KCND2: variants seen among roughly 807,000 people sequenced by gnomAD.
The protein encoded by KCND2 is potassium voltage-gated channel subfamily D member 2, also known as A-type voltage-gated potassium channel KCND2.
A neutral mutation model predicts 54.4 loss-of-function variants in KCND2; 16 were observed. The ratio of observed to expected loss-of-function variants is 0.29; its 90% CI spans 0.20 to 0.45. KCND2 has a LOEUF of 0.45. Ranked by LOEUF, KCND2 falls within the 20% of genes least tolerant of loss-of-function variation. KCND2 has a pLI of 1.00. For synonymous variants in KCND2, 317 were observed against 310.7 expected, an observed-to-expected ratio of 1.02 and a Z score of -0.21; for missense variants, 486 against 824.2, an observed-to-expected ratio of 0.59 and a Z score of 5.02.
intron 1 of KCND2, among the ~76,000 whole-genome samples, chr7:120,613,823 TAA>T (rs1185233918): frequency 6.6e-6 from 1 of 152,176 alleles, no homozygotes; most frequent in Non-Finnish European, 1.5e-5. Context: ...GCAAATATAC[TAA>T]CCAAAGTTGA....
At chr7:120,281,194 G>T (rs1562995398) in intron 1 of KCND2, among the ~76,000 whole-genome samples, 1 of 151,996 alleles carries the variant, frequency 6.6e-6, no homozygotes. Context: ...AACACAAATG[G>T]TGAAATAAAC....
At chr7:120,597,581 C>A (rs1304110872) in intron 1 of KCND2, among the ~76,000 whole-genome samples, 1 of 152,058 alleles carries the variant, frequency 6.6e-6, no homozygotes, top group Non-Finnish European at 1.5e-5. Context: ...TAAAGTGCAT[C>A]CCTTACAAGG....
intron 1 of KCND2, among the ~76,000 whole-genome samples, chr7:120,353,636 T>C (rs1458182047): frequency 1.3e-5 from 2 of 152,240 alleles, no homozygotes; most frequent in South Asian, 2.1e-4. Flanking sequence ...ATAGGGCGTC[T>C]AGTAGACCAT....
At chr7:120,734,057 C>T (rs1240285189) in intron 2 of KCND2, among the ~76,000 whole-genome samples, 2 of 152,062 alleles carry the variant, frequency 1.3e-5, no homozygotes, top group Non-Finnish European at 1.5e-5. Flanking sequence ...AGAGTAAGCT[C>T]AGAAACTCCA....
chr7:120,666,049 T>C (rs559062824), intron 1 of KCND2, among the ~76,000 whole-genome samples: 15 of 152,204 alleles, frequency 9.9e-5, no homozygotes, highest in African/African-American at 3.6e-4. Context: ...TAGGTAAGTC[T>C]TTCAAAAAAT....
intron 1 of KCND2, among the ~76,000 whole-genome samples, chr7:120,296,924 T>C (rs1799520520): frequency 6.6e-6 from 1 of 152,098 alleles, no homozygotes; most frequent in African/African-American, 2.4e-5. Context: ...AATTGTAGCT[T>C]TGACATGAAA....
intron 1 of KCND2, among the ~76,000 whole-genome samples, chr7:120,621,974 G>T (rs918622455): frequency 2.6e-5 from 4 of 151,612 alleles, no homozygotes; most frequent in South Asian, 2.1e-4. Context: ...TTTTTTTGTT[G>T]TTGTTGTTTT....
At position 120,430,555 on chromosome 7, in the gene KCND2, A is replaced by T. The variant is rs572650199; in HGVS notation, c.1115+154808A>T. Among the ~76,000 whole-genome samples, 276 of 142,838 alleles carry T rather than the reference A, an allele frequency of 1.9e-3. 1 individual carries two copies. Among genetic ancestry groups the T allele is most frequent in the Non-Finnish European group, 3.3e-3 (211 of 63,246 alleles). The allele number at this position is 142,838 out of a possible 152,430, so 93.7% of individuals were successfully genotyped here. A position where few individuals can be genotyped will look rare whatever the true frequency, so the allele number is the denominator to read the frequency against. On this transcript the variant is annotated intron_variant, in intron 1 of 5. Coordinates refer to ENST00000331113, the MANE Select transcript of KCND2 (RefSeq NM_012281.3). ...AACTGACAGAGCAAGACCCTATCTTAAAAAAAAAAAATCTGATTATAGATT... is the reference window on the plus strand; with the variant it reads ...AACTGACAGAGCAAGACCCTATCTTTAAAAAAAAAAATCTGATTATAGATT...
intron 1 of KCND2, among the ~76,000 whole-genome samples, chr7:120,689,018 A>G (rs1294987113): frequency 3.3e-5 from 5 of 152,148 alleles, no homozygotes; most frequent in East Asian, 1.9e-4. Context: ...CTCTCTTCCA[A>G]TTGGTGCCCC....
At chr7:120,346,773 T>C (rs1800324033) in intron 1 of KCND2, among the ~76,000 whole-genome samples, 2 of 152,126 alleles carry the variant, frequency 1.3e-5, no homozygotes, top group South Asian at 4.1e-4. Flanking sequence ...CTTGACCTTC[T>C]TGTTAGGTAA....
At chr7:120,689,401 A>G (rs73423776) in intron 1 of KCND2, among the ~76,000 whole-genome samples, 13,469 of 152,158 alleles carry the variant, frequency 0.089, 782 homozygotes, top group African/African-American at 0.14. Context: ...ATTTAATTTT[A>G]TATTTAAAGT....
chr7:120,483,067 G>A (rs1802630222), intron 1 of KCND2, among the ~76,000 whole-genome samples: 1 of 152,128 alleles, frequency 6.6e-6, no homozygotes, highest in African/African-American at 2.4e-5. Flanking sequence ...CAAACCCAGG[G>A]AAGCCTGACA....
chr7:120,606,709 A>G (rs1280007720), intron 1 of KCND2, among the ~76,000 whole-genome samples: 3 of 151,878 alleles, frequency 2.0e-5, no homozygotes, highest in Non-Finnish European at 2.9e-5. Context: ...TTTTAATCCT[A>G]TTTCATTGAT....
intron 1 of KCND2, among the ~76,000 whole-genome samples, chr7:120,399,328 G>C (rs971571323): frequency 3.3e-5 from 5 of 151,520 alleles, no homozygotes; most frequent in African/African-American, 1.2e-4. Context: ...CAGAGTTTAT[G>C]GTGTATTCAT....
At chr7:120,467,626 A>C (rs990199795) in intron 1 of KCND2, among the ~76,000 whole-genome samples, 3 of 152,128 alleles carry the variant, frequency 2.0e-5, no homozygotes, top group Non-Finnish European at 4.4e-5. Flanking sequence ...AAATGCTACC[A>C]ATCTCTTGTT....
chr7:120,578,274 C>T (rs1477559929), intron 1 of KCND2, among the ~76,000 whole-genome samples: 3 of 151,924 alleles, frequency 2.0e-5, no homozygotes, highest in African/African-American at 7.3e-5. Flanking sequence ...GGTAATGTAG[C>T]AAGACCCTGT....
At chr7:120,398,007 A>G (rs959485144) in intron 1 of KCND2, among the ~76,000 whole-genome samples, 50,865 of 84,716 alleles carry the variant, frequency 0.6, 13,348 homozygotes, top group South Asian at 0.72. Flanking sequence ...ATATATATAT[A>G]TATATATATA....
At chr7:120,641,314 A>T (rs1267177567) in intron 1 of KCND2, among the ~76,000 whole-genome samples, 1 of 152,050 alleles carries the variant, frequency 6.6e-6, no homozygotes, top group African/African-American at 2.4e-5. Context: ...CAAAGAGATG[A>T]TCTTTCTGGA....
chr7:120,498,501 G>A (rs1802884021), intron 1 of KCND2, among the ~76,000 whole-genome samples: 2 of 151,522 alleles, frequency 1.3e-5, no homozygotes, highest in Non-Finnish European at 2.9e-5. Context: ...TCGACTGGGC[G>A]TGGTGGCTCA....
Sources: gnomAD v4.1 joint callset for allele counts (sites outside exome capture counted in the v4.1 genomes callset) on GRCh38, gnomAD v4.1.1 for gene constraint, MANE v1.5 for transcripts, NCBI Gene and HGNC (gene_info 2026-07-23, HGNC 2026-07-21) for gene names.